Variants in NXPE2 observed in about 807,000 individuals in gnomAD.
The protein encoded by NXPE2 is neurexophilin and PC-esterase domain family member 2, also known as NXPE family member 2.
NXPE2 carries 34 observed loss-of-function variants against 34.4 expected under a neutral mutation model. That is an observed-to-expected ratio of 0.99 (90% CI 0.75 to 1.31). The LOEUF is 1.31. Among genes scored for constraint, NXPE2 ranks in the 40% most tolerant of loss-of-function variants. NXPE2 has a pLI of 0.00. For missense variants in NXPE2, 649 were observed against 672.5 expected (o/e 0.97, Z 0.39); for synonymous variants, 235 against 231.3 (o/e 1.02, Z -0.15).
chr11:114,734,058 A>G, the NXPE2 span, among the ~76,000 whole-genome samples: 1 of 152,226 alleles, frequency 6.6e-6, no homozygotes, highest in African/African-American at 2.4e-5. Context: ...CTCTTAAAAA[A>G]GTGTTTGGAA....
At chr11:114,635,902 T>C in the NXPE2 span, among the ~76,000 whole-genome samples, 1 of 152,112 alleles carries the variant, frequency 6.6e-6, no homozygotes, top group Admixed American at 6.6e-5. Context: ...TCAATGTTCA[T>C]CAAGGATATT....
chr11:114,627,263 C>T, the NXPE2 span, among the ~76,000 whole-genome samples: 2 of 151,880 alleles, frequency 1.3e-5, no homozygotes, highest in Admixed American at 1.3e-4. Context: ...TAAAGGCAGC[C>T]AGAGAGAAAG....
the NXPE2 span, among the ~76,000 whole-genome samples, chr11:114,528,611 G>A: frequency 6.6e-6 from 1 of 152,190 alleles, no homozygotes; most frequent in Non-Finnish European, 1.5e-5. Flanking sequence ...TGAATCCGAT[G>A]TGTTAATAAA....
chr11:114,628,766 G>C, the NXPE2 span, among the ~76,000 whole-genome samples: 1 of 151,808 alleles, frequency 6.6e-6, no homozygotes, highest in Non-Finnish European at 1.5e-5. Flanking sequence ...AAAATTGATA[G>C]AAAGCTAGCA....
At chr11:114,711,082 G>A (rs1299638306), downstream of NXPE2, among the ~76,000 whole-genome samples, 1 of 151,878 alleles carries the variant, frequency 6.6e-6, no homozygotes, top group East Asian at 1.9e-4. Flanking sequence ...ATGAATAGAG[G>A]GAAACTATCT....
the NXPE2 span, among the ~76,000 whole-genome samples, chr11:114,749,597 C>T: frequency 3.9e-5 from 6 of 152,338 alleles, no homozygotes; most frequent in African/African-American, 1.4e-4. Context: ...CCACAGGGCT[C>T]ATTCTGGTAT....
intron 3 of NXPE2, among the ~76,000 whole-genome samples, chr11:114,699,853 G>C (rs1951332461): frequency 6.6e-6 from 1 of 150,416 alleles, no homozygotes; most frequent in Non-Finnish European, 1.5e-5. Flanking sequence ...GAGTGCAGTG[G>C]TGCGATCTCG....
At chr11:114,494,976 C>T in the NXPE2 span, among the ~76,000 whole-genome samples, 1 of 152,208 alleles carries the variant, frequency 6.6e-6, no homozygotes, top group Non-Finnish European at 1.5e-5. Context: ...GAGGTACCAC[C>T]TTGGTGGTTT....
chr11:114,651,302 G>C, the NXPE2 span, among the ~76,000 whole-genome samples: 5 of 151,980 alleles, frequency 3.3e-5, no homozygotes, highest in South Asian at 8.3e-4. Flanking sequence ...CTGACTTTAG[G>C]AGTGAAGCCG....
chr11:114,657,738 A>G, the NXPE2 span, among the ~76,000 whole-genome samples: 1 of 152,186 alleles, frequency 6.6e-6, no homozygotes. Flanking sequence ...TTCCTTGTAC[A>G]AAGAAAAAAA....
At chr11:114,729,904 T>C in the NXPE2 span, among the ~76,000 whole-genome samples, 5 of 152,224 alleles carry the variant, frequency 3.3e-5, no homozygotes, top group Admixed American at 1.3e-4. Context: ...GCTATTTAGT[T>C]TAATTAGGTC....
At position 114,703,659 on chromosome 11, in the gene NXPE2, TA is replaced by T. The variant is rs758843448; in HGVS notation, c.867-331del. 2.8e-3 allele frequency among the ~76,000 whole-genome samples: 36 copies of T among 12,744 alleles called. No individual in the cohort carries two copies. The East Asian group carries it at 0.048, about 17-fold the overall frequency. 8.4% of individuals were successfully genotyped at this position (12,744 alleles called of 152,430 possible). ...AAGGTAAAATTAAAATAAGCATAGA[TA>T]GATAGATAGATAGATAGATAGATAG... On this transcript the variant is annotated intron_variant, in intron 3 of 5. Transcript: ENST00000389586.
At chr11:114,717,875 G>C in the NXPE2 span, among the ~76,000 whole-genome samples, 7 of 152,308 alleles carry the variant, frequency 4.6e-5, no homozygotes, top group African/African-American at 1.7e-4. Flanking sequence ...CCTAGGAAAA[G>C]TTTGAGGTCT....
the NXPE2 span, among the ~76,000 whole-genome samples, chr11:114,528,133 T>C: frequency 3.9e-5 from 6 of 152,330 alleles, no homozygotes; most frequent in Middle Eastern, 0.014. Flanking sequence ...CTGCCACATG[T>C]AATCAGTGTG....
chr11:114,664,651 A>G, the NXPE2 span, among the ~76,000 whole-genome samples: 2 of 152,178 alleles, frequency 1.3e-5, no homozygotes, highest in East Asian at 3.9e-4. Context: ...CACAGTCCCC[A>G]ACTTGTGAGG....
chr11:114,536,118 A>G, the NXPE2 span, among the ~76,000 whole-genome samples: 5 of 152,148 alleles, frequency 3.3e-5, no homozygotes, highest in South Asian at 8.4e-4. Context: ...AGAACTCAGG[A>G]TTAAGAAACT....
At chr11:114,678,477 T>C (rs1950883266), upstream of NXPE2, 1 of 915,862 alleles carries the variant, frequency 1.1e-6, no homozygotes, top group Non-Finnish European at 1.7e-6. Context: ...TTTTGATCAA[T>C]GAAGCTCATA....
At chr11:114,683,916 G>A (rs1950994452) in intron 2 of NXPE2, among the ~76,000 whole-genome samples, 1 of 112,858 alleles carries the variant, frequency 8.9e-6, no homozygotes, top group Admixed American at 1.0e-4. Flanking sequence ...GAGGTAAAGA[G>A]GTAGGTTTAA....
chr11:114,791,092 A>T, the NXPE2 span, among the ~76,000 whole-genome samples: 1 of 151,900 alleles, frequency 6.6e-6, no homozygotes, highest in Admixed American at 6.6e-5. Flanking sequence ...CCACAATTTG[A>T]GTGACAGCGA....
Sources: allele counts gnomAD v4.1 joint callset (sites outside exome capture counted in the v4.1 genomes callset), GRCh38; gene constraint gnomAD v4.1.1; transcripts MANE v1.5; gene names NCBI Gene and HGNC (gene_info 2026-07-23, HGNC 2026-07-21).